The following TCF7 variants were observed in gnomAD, a reference collection of about 807,000 sequenced individuals.
TCF7 encodes transcription factor 7, also known as T-cell-factor-7.
In TCF7, 19 loss-of-function variants were observed where a neutral mutation model predicts 46.8. The observed-to-expected ratio is 0.41, with a 90% CI of 0.28 to 0.60. The LOEUF is 0.60. TCF7 is among the 20% of genes least tolerant of loss of function. The probability of loss-of-function intolerance (pLI) is 0.35; values close to 1 mark genes in which losing one functional copy is unlikely to be tolerated. For synonymous variants in TCF7, 245 were observed against 213.4 expected, an observed-to-expected ratio of 1.15 and a Z score of -1.29; for missense variants, 547 against 504.6, an observed-to-expected ratio of 1.08 and a Z score of -0.81.
chr5:134,131,941 A>G (rs937773129), intron 3 of TCF7, among the ~76,000 whole-genome samples: 2 of 152,232 alleles, frequency 1.3e-5, no homozygotes, highest in African/African-American at 4.8e-5. Context: ...ATGCTCAACT[A>G]CTGCCACCAG....
At chr5:134,117,711 C>T (rs2149272649) in intron 3 of TCF7, among the ~76,000 whole-genome samples, 1 of 152,358 alleles carries the variant, frequency 6.6e-6, no homozygotes, top group Admixed American at 6.5e-5. Context: ...GTGGAGGAGG[C>T]ACACCACCAC....
chr5:134,125,976 G>A (rs1757294787), intron 3 of TCF7, among the ~76,000 whole-genome samples: 2 of 152,260 alleles, frequency 1.3e-5, no homozygotes, highest in South Asian at 2.1e-4. Flanking sequence ...TTATGGGACT[G>A]GGGGAAGCTT....
intron 8 of TCF7, 196 bp downstream of exon 8, chr5:134,143,296 G>T: frequency 1.3e-6 from 1 of 757,856 alleles, no homozygotes; most frequent in Non-Finnish European, 2.3e-6. Flanking sequence ...TCCAGAATAT[G>T]CTCACACATG....
intron 6 of TCF7, 62 bp downstream of exon 6, chr5:134,142,366 A>G: frequency 7.2e-7 from 1 of 1,392,346 alleles, no homozygotes; most frequent in Non-Finnish European, 9.5e-7. Flanking sequence ...CCTCCCCACC[A>G]GGCCTGAGGA....
Position 134,142,296 on chromosome 5 carries a change from C to T in TCF7, c.747C>T (p.Asp249=), listed in dbSNP as rs1410621467. 6.3e-7 allele frequency: 1 copy of T among 1,586,722 alleles called. No individual in the cohort carries two copies. The change falls in exon 6 of 10, where the codon GAC becomes GAT. Residue 249 remains aspartate (D), a synonymous_variant. Coordinates refer to ENST00000342854, the MANE Select transcript of TCF7 (RefSeq NM_003202.5). The part of the protein sequence containing the change: ...PSGKQELQPF[D]RNLKTQAESK... ...GGAAGCAGGAGCTGCAGCCCTTCGA[C>T]CGCAACCTGTGAGTGAAAAGACAAT... is the stretch of plus-strand genomic sequence containing the variant.
intron 9 of TCF7, 130 bp from the exon 10 acceptor site, chr5:134,146,094 T>A: frequency 6.3e-7 from 1 of 1,599,630 alleles, no homozygotes; most frequent in Non-Finnish European, 8.5e-7. Flanking sequence ...GGACACTGAC[T>A]TACCACCCAA....
At chr5:134,120,593 C>G (rs553830077) in intron 3 of TCF7, among the ~76,000 whole-genome samples, 1 of 152,152 alleles carries the variant, frequency 6.6e-6, no homozygotes, top group African/African-American at 2.4e-5. Context: ...TCCCTCCGCT[C>G]GGAAGTCTCT....
intron 3 of TCF7, chr5:134,137,741 A>C: frequency 4.4e-6 from 1 of 225,148 alleles, no homozygotes; most frequent in African/African-American, 2.3e-5. Flanking sequence ...GCTGGAGGCT[A>C]TAAGCAACCT....
upstream of TCF7, among the ~76,000 whole-genome samples, chr5:134,111,507 C>T (rs769296306): frequency 1.3e-5 from 2 of 152,100 alleles, no homozygotes; most frequent in Non-Finnish European, 2.9e-5. Flanking sequence ...GAGCCAATTC[C>T]CAGAACAGGT....
At position 134,124,818 on chromosome 5, in the gene TCF7, T is replaced by C. The variant is rs539890121; in HGVS notation, c.441+8785T>C. Among the ~76,000 whole-genome samples, 4 of 152,202 alleles carry C rather than the reference T, an allele frequency of 2.6e-5. No individual in the cohort carries two copies. The South Asian group carries it at 8.3e-4, about 32-fold the overall frequency. ...ACGTGGCCCCAGGGAACAGTGGGTG[T>C]GGACTTTGGGGGTTTACACGGTTAG... On this transcript the variant is annotated intron_variant, in intron 3 of 9. Coordinates refer to ENST00000342854, the MANE Select transcript of TCF7 (RefSeq NM_003202.5).
chr5:134,109,406 G>C, the TCF7 span, among the ~76,000 whole-genome samples: 1 of 152,154 alleles, frequency 6.6e-6, no homozygotes, highest in African/African-American at 2.4e-5. Context: ...ACCTTCTGCT[G>C]CATTTGTGAC....
intron 3 of TCF7, among the ~76,000 whole-genome samples, chr5:134,129,568 A>T (rs1757820477): frequency 6.6e-6 from 1 of 152,226 alleles, no homozygotes; most frequent in Non-Finnish European, 1.5e-5. Context: ...AGCTCCCGGA[A>T]GCTTATATTT....
Position 134,146,360 on chromosome 5 carries a change from T to C in TCF7, c.*57T>C, listed in dbSNP as rs755956049. 6.3e-7 allele frequency: 1 copy of C among 1,597,940 alleles called. No homozygotes were observed. Among genetic ancestry groups the C allele is most frequent in the Non-Finnish European group, 8.6e-7 (1 of 1,165,346 alleles). On this transcript the variant is annotated 3_prime_UTR_variant, in exon 10 of 10. Coordinates refer to ENST00000342854, the MANE Select transcript of TCF7 (RefSeq NM_003202.5). ...ACCCTCATACCATCTGCTGCCCCGC[T>C]TCCCCACAGAACTGCTTACTAGCCC...
In TCF7 at chr5:134,147,654, T is replaced by C. The variant is rs547206480; in HGVS notation, c.*1351T>C. On this transcript the variant is annotated 3_prime_UTR_variant, in exon 10 of 10. Transcript: ENST00000342854. ...CTTGAAAAACAAGTCTTTAATTTAA[T>C]TTTTGTTTTTTGCCTAAATCCAAAG... is the stretch of plus-strand genomic sequence containing the variant. 1 of 152,760 alleles carries C rather than the reference T, an allele frequency of 6.5e-6. No homozygotes were observed. The highest frequency in any genetic ancestry group is 2.1e-4 in the South Asian group (1 of 4,834). 9.5% of individuals were successfully genotyped at this position (152,760 alleles called of 1,614,324 possible).
At chr5:134,123,095 TG>T (rs933178983) in intron 3 of TCF7, among the ~76,000 whole-genome samples, 2 of 152,210 alleles carry the variant, frequency 1.3e-5, no homozygotes, top group African/African-American at 4.8e-5. Flanking sequence ...AGACAGTGTG[TG>T]AAACACCCAG....
intron 8 of TCF7, 143 bp downstream of exon 8, chr5:134,143,243 A>T: frequency 1.2e-6 from 1 of 866,048 alleles, no homozygotes; most frequent in Non-Finnish European, 1.9e-6. Context: ...AAGGCCTCCC[A>T]TGGCTGCCTC....
chr5:134,146,074 GGCA>G, intron 9 of TCF7, 147 bp from the exon 10 acceptor site: 2 of 1,581,148 alleles, frequency 1.3e-6, no homozygotes, highest in Non-Finnish European at 1.7e-6. Context: ...CAAGCAGAAT[GGCA>G]GTCTGAGGAC....
intron 3 of TCF7, among the ~76,000 whole-genome samples, chr5:134,117,271 G>A (rs904774171): frequency 4.6e-5 from 7 of 152,192 alleles, no homozygotes; most frequent in African/African-American, 1.7e-4. Context: ...TGAGATGGGG[G>A]GTGTGCCCCC....
chr5:134,145,457 A>C (rs1442665527), intron 9 of TCF7: 1 of 559,126 alleles, frequency 1.8e-6, no homozygotes, highest in Non-Finnish European at 3.3e-6. Context: ...GTGTTTCACC[A>C]TACAACAGAG....
Sources: allele counts gnomAD v4.1 joint callset (sites outside exome capture counted in the v4.1 genomes callset), GRCh38; gene constraint gnomAD v4.1.1; transcripts MANE v1.5; gene names NCBI Gene and HGNC (gene_info 2026-07-23, HGNC 2026-07-21).